MYO5B: variants seen among roughly 807,000 people sequenced by gnomAD.
MYO5B encodes unconventional myosin-Vb.
Under a neutral mutation model 229.3 loss-of-function variants are expected in MYO5B, and 143 were observed. That is an observed-to-expected ratio of 0.62 (90% CI 0.54 to 0.72). The LOEUF (loss-of-function observed/expected upper bound fraction) is 0.72, where lower values mean the gene tolerates loss of function less well. MYO5B is among the 30% of genes least tolerant of loss of function. MYO5B has a pLI of 0.00. For synonymous variants in MYO5B, 918 were observed against 885.2 expected (o/e 1.04, Z -0.66); for missense variants, 2,321 against 2,331.0 (o/e 1.00, Z 0.09).
chr18:50,067,163 AT>A (rs1335446455), intron 1 of MYO5B, among the ~76,000 whole-genome samples: 2 of 152,224 alleles, frequency 1.3e-5, no homozygotes, highest in Admixed American at 6.5e-5. Context: ...GGGGGAATTC[AT>A]CTTAATGAGA....
chr18:49,916,289 G>A (rs563184886), intron 17 of MYO5B, among the ~76,000 whole-genome samples: 1 of 152,372 alleles, frequency 6.6e-6, no homozygotes, highest in East Asian at 1.9e-4. Context: ...AGCTGTGGCT[G>A]CAAAGACATC....
chr18:49,953,051 C>T (rs1160357909), intron 14 of MYO5B, among the ~76,000 whole-genome samples: 1 of 152,128 alleles, frequency 6.6e-6, no homozygotes, highest in Non-Finnish European at 1.5e-5. Flanking sequence ...TCCATCAGGC[C>T]ATACTAAAGT....
At chr18:49,916,633 T>C (rs928050010) in intron 17 of MYO5B, among the ~76,000 whole-genome samples, 1 of 152,078 alleles carries the variant, frequency 6.6e-6, no homozygotes, top group African/African-American at 2.4e-5. Flanking sequence ...GGAGAGGAGA[T>C]GCCAGCTCCT....
rs2025165824 is a variant in MYO5B, at chr18:49,929,493, T to A, written c.2090+19A>T. 6.3e-7 allele frequency: 1 copy of A among 1,592,880 alleles called. No individual in the cohort carries two copies. The highest frequency in any genetic ancestry group is 1.3e-5 in the African/African-American group (1 of 74,744). Reference sequence around the variant, plus strand: ...CTCTAGGGCAGCCCCAGGAGGCAGCTGGCGGGCACGTTAGTTACCTGGATG... The same window carrying A: ...CTCTAGGGCAGCCCCAGGAGGCAGCAGGCGGGCACGTTAGTTACCTGGATG... On this transcript the variant is annotated intron_variant, in intron 17 of 39. Coordinates refer to ENST00000285039, the MANE Select transcript of MYO5B (RefSeq NM_001080467.3).
At chr18:49,867,004 C>T (rs895965366) in intron 27 of MYO5B, among the ~76,000 whole-genome samples, 5 of 152,010 alleles carry the variant, frequency 3.3e-5, no homozygotes, top group Admixed American at 1.3e-4. Context: ...CAGGACTTGC[C>T]GGGGAAATGC....
intron 4 of MYO5B, among the ~76,000 whole-genome samples, chr18:50,025,827 G>A (rs2026324796): frequency 6.6e-6 from 1 of 152,110 alleles, no homozygotes; most frequent in Non-Finnish European, 1.5e-5. Context: ...AGTCCACAAA[G>A]ATCACTGCAT....
At chr18:50,086,385 T>C (rs934885573) in intron 1 of MYO5B, among the ~76,000 whole-genome samples, 2 of 141,392 alleles carry the variant, frequency 1.4e-5, no homozygotes, top group South Asian at 2.1e-4. Flanking sequence ...AATGGTAGCA[T>C]ATACTACGTA....
At position 49,864,329 on chromosome 18, in the gene MYO5B, G is replaced by C. The variant is rs1353722692; in HGVS notation, c.3655C>G (p.Leu1219Val). 6.2e-7 allele frequency: 1 copy of C among 1,614,102 alleles called. No homozygotes were observed. The highest frequency in any genetic ancestry group is 8.5e-7 in the Non-Finnish European group (1 of 1,180,042). ...GCTTGGTCGGCCACGGCTTTCCTCA[G>C]CTCATTCAGGTCATTCTTCAGCTTT... ...NKKLKNDLNE[L>V]RKAVADQATQ... The change falls in exon 28 of 40, where the codon CTG becomes GTG. Residue 1219 changes from leucine to valine, a missense_variant. Leu to Val is a conservative substitution (Grantham distance 32). This residue lies in a region of MYO5B where 2,113 missense variants were observed against 2,044.7 expected (regional missense o/e 1.03). Transcript: ENST00000285039.
intron 1 of MYO5B, among the ~76,000 whole-genome samples, chr18:50,139,445 G>T (rs754298360): frequency 6.6e-5 from 10 of 152,196 alleles, no homozygotes; most frequent in Non-Finnish European, 1.3e-4. Flanking sequence ...GAAATTCTAA[G>T]TAACTCCTTA....
intron 1 of MYO5B, among the ~76,000 whole-genome samples, chr18:50,169,765 TTC>T (rs2032900314): frequency 7.8e-6 from 1 of 127,656 alleles, no homozygotes; most frequent in Non-Finnish European, 1.7e-5. Context: ...TCTTGCAATT[TTC>T]CTGAAGTCTG....
At chr18:50,107,528 A>C (rs1206829979) in intron 1 of MYO5B, among the ~76,000 whole-genome samples, 1 of 152,186 alleles carries the variant, frequency 6.6e-6, no homozygotes, top group African/African-American at 2.4e-5. Context: ...ACAAGATCCC[A>C]GATTCCATTA....
intron 18 of MYO5B, among the ~76,000 whole-genome samples, chr18:49,909,521 G>A (rs2024935599): frequency 6.6e-6 from 1 of 152,212 alleles, no homozygotes; most frequent in Non-Finnish European, 1.5e-5. Context: ...CTAGTCATGA[G>A]CAGCTCTTGG....
chr18:50,062,908 T>C (rs965969198), intron 1 of MYO5B, among the ~76,000 whole-genome samples: 10 of 152,218 alleles, frequency 6.6e-5, no homozygotes, highest in Admixed American at 2.0e-4. Context: ...TCTACACTTC[T>C]GAGGCTCGGC....
At chr18:50,000,657 C>T (rs2026036211) in intron 5 of MYO5B, among the ~76,000 whole-genome samples, 1 of 152,206 alleles carries the variant, frequency 6.6e-6, no homozygotes, top group Admixed American at 6.5e-5. Context: ...TGAGCCCACC[C>T]TAGTCCAGCC....
chr18:50,188,115 G>T (rs2033174652), intron 1 of MYO5B, among the ~76,000 whole-genome samples: 1 of 152,178 alleles, frequency 6.6e-6, no homozygotes, highest in Non-Finnish European at 1.5e-5. Context: ...CAATGTTTCT[G>T]TAAGTGTATA....
chr18:50,163,474 G>A (rs557716348), intron 1 of MYO5B, among the ~76,000 whole-genome samples: 18 of 152,312 alleles, frequency 1.2e-4, no homozygotes, highest in Admixed American at 3.9e-4. Context: ...AAGGAAGAAG[G>A]GAAACCCCTG....
intron 1 of MYO5B, among the ~76,000 whole-genome samples, chr18:50,105,204 A>AAAATAAATAAATAAATAAAT (rs149697050): frequency 2.2e-5 from 3 of 139,058 alleles, no homozygotes; most frequent in African/African-American, 8.2e-5. Flanking sequence ...AGGCATGGTA[A>AAAATAAATAAATAAATAAAT]AAATAAATAA....
intron 1 of MYO5B, among the ~76,000 whole-genome samples, chr18:50,168,850 T>C (rs1289193539): frequency 1.6e-5 from 2 of 128,264 alleles, no homozygotes; most frequent in Non-Finnish European, 3.3e-5. Flanking sequence ...GTAAGCAGCA[T>C]TCAGATCGGA....
intron 10 of MYO5B, among the ~76,000 whole-genome samples, chr18:49,967,642 T>C (rs2025640765): frequency 6.6e-6 from 1 of 152,186 alleles, no homozygotes; most frequent in Non-Finnish European, 1.5e-5. Context: ...AGCAGGGCCA[T>C]CATGCATTGA....
Sources: allele counts gnomAD v4.1 joint callset (sites outside exome capture counted in the v4.1 genomes callset), GRCh38; gene constraint gnomAD v4.1.1; regional missense constraint gnomAD v4.1.1; transcripts MANE v1.5; gene names NCBI Gene and HGNC (gene_info 2026-07-23, HGNC 2026-07-21).